HTR7: variants seen among roughly 807,000 people sequenced by gnomAD.
The protein encoded by HTR7 is 5-HT-7.
HTR7 carries 16 observed loss-of-function variants against 34.0 expected under a neutral mutation model. The ratio of observed to expected loss-of-function variants is 0.47; its 90% confidence interval spans 0.32 to 0.71. The LOEUF (loss-of-function observed/expected upper bound fraction) is 0.71. Among genes scored for constraint, HTR7 ranks in the 30% least tolerant of loss-of-function variants. The pLI is 0.04. For missense variants in HTR7, 504 were observed against 625.5 expected, an observed-to-expected ratio of 0.81 and a Z score of 2.07; for synonymous variants, 265 against 260.2, an observed-to-expected ratio of 1.02 and a Z score of -0.18.
chr10:90,807,140 G>A (rs746440257), intron 1 of HTR7, among the ~76,000 whole-genome samples: 12 of 152,232 alleles, frequency 7.9e-5, no homozygotes. Flanking sequence ...GAAAAAAGAT[G>A]TGTAGGTTGA....
intron 1 of HTR7, among the ~76,000 whole-genome samples, chr10:90,777,911 A>T (rs149279950): frequency 1.3e-5 from 2 of 152,246 alleles, no homozygotes; most frequent in Admixed American, 1.3e-4. Flanking sequence ...TTCCTTATCC[A>T]CCACCCCCAA....
intron 1 of HTR7, among the ~76,000 whole-genome samples, chr10:90,838,068 T>C (rs1436395917): frequency 6.6e-6 from 1 of 152,174 alleles, no homozygotes; most frequent in Non-Finnish European, 1.5e-5. Context: ...TTTTCCTATC[T>C]GCTCTCTCCC....
chr10:90,798,941 T>G lies in HTR7; in HGVS notation c.540-49347A>C, dbSNP rs34677183. ...CGCCTTTGTAGAGCTAACAAATTAG[T>G]CAAAAGATTAGAAATTATGGTTTAG... On this transcript the variant is annotated intron_variant, in intron 1 of 3. Coordinates refer to ENST00000336152, the MANE Select transcript of HTR7 (RefSeq NM_019859.4). 8.3e-3 allele frequency among the ~76,000 whole-genome samples: 1,271 copies of G among 152,240 alleles called. 11 individuals are homozygous for G. The highest frequency in any genetic ancestry group is 0.011 in the Non-Finnish European group (737 of 68,004).
chr10:90,804,700 G>C (rs12775181), intron 1 of HTR7, among the ~76,000 whole-genome samples: 9,135 of 152,214 alleles, frequency 0.06, 359 homozygotes, highest in East Asian at 0.11. Flanking sequence ...AGACTTCTAT[G>C]GTTAGCAGTC....
At chr10:90,835,328 T>C (rs1846238522) in intron 1 of HTR7, among the ~76,000 whole-genome samples, 1 of 152,154 alleles carries the variant, frequency 6.6e-6, no homozygotes, top group Admixed American at 6.5e-5. Flanking sequence ...CAGAACATCC[T>C]GGGAATGAAA....
intron 1 of HTR7, among the ~76,000 whole-genome samples, chr10:90,818,637 C>T (rs1845933686): frequency 6.6e-6 from 1 of 152,116 alleles, no homozygotes. Context: ...CACCATCTGC[C>T]ATGGAATGAT....
At chr10:90,848,069 CTTTTTTTT>C (rs61675028) in intron 1 of HTR7, among the ~76,000 whole-genome samples, 1 of 112,098 alleles carries the variant, frequency 8.9e-6, no homozygotes, top group Non-Finnish European at 1.7e-5. Context: ...TCTCTTTGTT[CTTTTTTTT>C]TTTTTTTTTT....
chr10:90,808,447 C>A (rs917433182), intron 1 of HTR7, among the ~76,000 whole-genome samples: 6 of 152,172 alleles, frequency 3.9e-5, no homozygotes, highest in Non-Finnish European at 8.8e-5. Flanking sequence ...GGGGGAGGGG[C>A]AAGTACCCCA....
intron 1 of HTR7, among the ~76,000 whole-genome samples, chr10:90,762,337 G>A (rs138612075): frequency 4.9e-4 from 75 of 152,328 alleles, no homozygotes; most frequent in African/African-American, 1.8e-3. Flanking sequence ...CCCAAAAAGT[G>A]TGAGGTGATC....
chr10:90,772,812 C>A (rs1038789056), intron 1 of HTR7, among the ~76,000 whole-genome samples: 2 of 152,134 alleles, frequency 1.3e-5, no homozygotes, highest in Non-Finnish European at 2.9e-5. Flanking sequence ...TGTAACATGC[C>A]AGGGTCTGGG....
At chr10:90,838,764 T>G (rs1846286462) in intron 1 of HTR7, among the ~76,000 whole-genome samples, 1 of 152,206 alleles carries the variant, frequency 6.6e-6, no homozygotes, top group South Asian at 2.1e-4. Flanking sequence ...TTTCCTGATC[T>G]TCACACAGCT....
At chr10:90,806,224 G>A (rs960765516) in intron 1 of HTR7, among the ~76,000 whole-genome samples, 21 of 152,174 alleles carry the variant, frequency 1.4e-4, no homozygotes, top group Non-Finnish European at 2.4e-4. Context: ...TGGATAGAAA[G>A]AGAAAGGATA....
At chr10:90,834,884 G>A (rs1188739054) in intron 1 of HTR7, among the ~76,000 whole-genome samples, 1 of 152,178 alleles carries the variant, frequency 6.6e-6, no homozygotes, top group Admixed American at 6.5e-5. Context: ...GGGTGTGCAT[G>A]TAGGAACAGG....
At chr10:90,824,951 A>G (rs1846046673) in intron 1 of HTR7, among the ~76,000 whole-genome samples, 1 of 152,156 alleles carries the variant, frequency 6.6e-6, no homozygotes, top group Non-Finnish European at 1.5e-5. Context: ...TGGCTTTACC[A>G]CCTGCTGGCT....
chr10:90,844,950 C>A (rs1322799858), intron 1 of HTR7, among the ~76,000 whole-genome samples: 1 of 151,878 alleles, frequency 6.6e-6, no homozygotes, highest in South Asian at 2.1e-4. Flanking sequence ...GGGTTGTGCA[C>A]CCCGCATTAA....
chr10:90,848,595 G>A (rs1286346508), intron 1 of HTR7, among the ~76,000 whole-genome samples: 1 of 152,128 alleles, frequency 6.6e-6, no homozygotes, highest in East Asian at 1.9e-4. Context: ...ATTGGATGAA[G>A]GAAGAATTGC....
chr10:90,815,701 C>A (rs1231201145), intron 1 of HTR7, among the ~76,000 whole-genome samples: 1 of 152,030 alleles, frequency 6.6e-6, no homozygotes, highest in Admixed American at 6.6e-5. Flanking sequence ...ACCTGCACAT[C>A]CTGCATATGT....
At position 90,857,317 on chromosome 10, in the gene HTR7, G is replaced by C. The variant is rs1188391310; in HGVS notation, c.355C>G (p.Leu119Val). 1 of 1,613,970 alleles carries C rather than the reference G, an allele frequency of 6.2e-7. No individual in the cohort carries two copies. The highest frequency in any genetic ancestry group is 1.1e-5 in the South Asian group (1 of 91,072). ...VKKLRQPSNY[L>V]IVSLALADLS... Reference sequence around the variant, plus strand: ...TCGGCCAGCGCCAGGGACACGATCAGGTAGTTGGAGGGCTGGCGGAGCTTC... The same window carrying C: ...TCGGCCAGCGCCAGGGACACGATCACGTAGTTGGAGGGCTGGCGGAGCTTC... Residue 119 changes from leucine to valine, a missense_variant, in exon 1 of 4, where the codon CTG becomes GTG. Physicochemically the swap from Leu to Val is conservative, Grantham distance 32. Transcript: ENST00000336152. This position sits in a 1 kb window ranked among gnomAD's most constrained non-coding sequence, Gnocchi z 6.5.
At chr10:90,752,549 A>T (rs1844756198) in intron 1 of HTR7, among the ~76,000 whole-genome samples, 1 of 152,142 alleles carries the variant, frequency 6.6e-6, no homozygotes, top group Admixed American at 6.5e-5. Context: ...TTTAAAGCTC[A>T]CCAAGTCAAC....
Sources: allele counts gnomAD v4.1 joint callset (sites outside exome capture counted in the v4.1 genomes callset), GRCh38; gene constraint gnomAD v4.1.1; non-coding constraint Gnocchi (gnomAD v3.1); transcripts MANE v1.5; gene names NCBI Gene and HGNC (gene_info 2026-07-23, HGNC 2026-07-21).